IFT43: variants seen among roughly 807,000 people sequenced by gnomAD.
IFT43 encodes intraflagellar transport protein 43 homolog.
IFT43 carries 33 observed loss-of-function variants against 32.3 expected under a neutral mutation model. That is an observed-to-expected ratio of 1.02 (90% CI 0.77 to 1.37). The LOEUF is 1.37. Ranked by LOEUF, IFT43 falls within the 40% of genes most tolerant of loss-of-function variation. The probability of loss-of-function intolerance (pLI) is 0.00; values close to 1 mark genes in which losing one functional copy is unlikely to be tolerated. For missense variants in IFT43, 274 were observed against 265.9 expected, an observed-to-expected ratio of 1.03 and a Z score of -0.21; for synonymous variants, 93 against 98.2, an observed-to-expected ratio of 0.95 and a Z score of 0.31.
At chr14:76,045,051 A>G (rs113074787) in intron 3 of IFT43, among the ~76,000 whole-genome samples, 156 of 152,336 alleles carry the variant, frequency 1.0e-3, no homozygotes, top group African/African-American at 3.6e-3. Flanking sequence ...CTTCAACTGT[A>G]TGGGGGGTCT....
At chr14:76,068,166 A>C (rs2037258595) in intron 5 of IFT43, among the ~76,000 whole-genome samples, 1 of 152,212 alleles carries the variant, frequency 6.6e-6, no homozygotes, top group South Asian at 2.1e-4. Flanking sequence ...CTGATCCCTG[A>C]GGGCTGAGAG....
chr14:76,033,374 G>A (rs2139988151), intron 3 of IFT43, among the ~76,000 whole-genome samples: 1 of 152,328 alleles, frequency 6.6e-6, no homozygotes. Context: ...AGACCTTCCA[G>A]GAGAGATTGA....
intron 3 of IFT43, among the ~76,000 whole-genome samples, chr14:76,054,798 T>TG (rs747484564): frequency 6.6e-6 from 1 of 152,210 alleles, no homozygotes; most frequent in Non-Finnish European, 1.5e-5. Flanking sequence ...GTCAGAGGGC[T>TG]GGGCCCAGGT....
At chr14:76,036,850 C>A (rs1183504073) in intron 3 of IFT43, among the ~76,000 whole-genome samples, 1 of 148,118 alleles carries the variant, frequency 6.8e-6, no homozygotes, top group South Asian at 2.3e-4. Flanking sequence ...TTTTTAGAAA[C>A]AGGATCTTGC....
chr14:75,995,280 C>T (rs1489345317), intron 2 of IFT43, among the ~76,000 whole-genome samples: 3 of 152,156 alleles, frequency 2.0e-5, no homozygotes, highest in East Asian at 3.8e-4. Flanking sequence ...AAGCACAGAC[C>T]TCCCAGTAGA....
Position 76,058,692 on chromosome 14 carries a change from T to G in IFT43, c.248+18T>G, listed in dbSNP as rs777730753. 9 of 1,612,144 alleles carry G rather than the reference T, an allele frequency of 5.6e-6. No individual in the cohort carries two copies. The highest frequency in any genetic ancestry group is 7.6e-6 in the Non-Finnish European group (9 of 1,179,738). On this transcript the variant is annotated intron_variant, in intron 4 of 8. Transcript: ENST00000314067. The stretch of plus-strand genomic sequence containing the variant: ...ATAGAAGAGTACGTTTCCAGTATTC[T>G]TATTCTTATGGTATCCTATGTTGAT...
At chr14:76,038,183 T>C (rs1250757228) in intron 3 of IFT43, 1 of 152,158 alleles carries the variant, frequency 6.6e-6, no homozygotes, top group Non-Finnish European at 1.5e-5. Flanking sequence ...TTGGGTAAAA[T>C]CAGATGGGGC....
rs74069415 is a variant in IFT43 at position 76,020,864 on chromosome 14, G to A, written c.148-1463G>A. Among the ~76,000 whole-genome samples, 1,255 of 152,248 alleles carry A rather than the reference G, an allele frequency of 8.2e-3. 17 individuals carry two copies. The highest frequency in any genetic ancestry group is 0.029 in the African/African-American group (1,185 of 41,542). On this transcript the variant is annotated intron_variant, in intron 2 of 8. Transcript: ENST00000314067. ...GCCTCCAGTGCCTTGCTCAGGTGCCGGGGGTGGCAGTGGTGGGCCAGGTGA... is the reference window on the plus strand; with the variant it reads ...GCCTCCAGTGCCTTGCTCAGGTGCCAGGGGTGGCAGTGGTGGGCCAGGTGA...
At chr14:76,066,949 C>T (rs939162353) in intron 5 of IFT43, among the ~76,000 whole-genome samples, 9 of 152,234 alleles carry the variant, frequency 5.9e-5, no homozygotes, top group South Asian at 2.1e-4. Flanking sequence ...TTTCATCCAA[C>T]GCCTCCTGAG....
chr14:75,985,958 G>A, intron 1 of IFT43, 118 bp downstream of exon 1: 1 of 1,538,928 alleles, frequency 6.5e-7, no homozygotes, highest in Non-Finnish European at 8.7e-7. Flanking sequence ...CGCGCCGGGT[G>A]AGGCCCAGAA....
At chr14:76,053,305 G>A (rs1236309860) in intron 3 of IFT43, among the ~76,000 whole-genome samples, 1 of 152,076 alleles carries the variant, frequency 6.6e-6, no homozygotes, top group Admixed American at 6.5e-5. Context: ...AGGAAGGGTG[G>A]GCTGAGACCT....
intron 2 of IFT43, among the ~76,000 whole-genome samples, chr14:76,021,617 G>A (rs1023025703): frequency 3.9e-5 from 6 of 152,084 alleles, no homozygotes; most frequent in African/African-American, 1.4e-4. Flanking sequence ...ATTTTCATGT[G>A]TATTTTACCA....
intron 3 of IFT43, among the ~76,000 whole-genome samples, chr14:76,027,537 G>A (rs527849266): frequency 5.3e-5 from 8 of 151,896 alleles, no homozygotes; most frequent in South Asian, 2.1e-4. Context: ...GTGAAACCCC[G>A]TCTCTACTAA....
At chr14:75,987,577 C>T (rs1482704486) in intron 1 of IFT43, among the ~76,000 whole-genome samples, 3 of 152,172 alleles carry the variant, frequency 2.0e-5, no homozygotes, top group South Asian at 2.1e-4. Flanking sequence ...TGTAAAATGA[C>T]AGCAGTCTCA....
At chr14:75,993,553 C>T (rs925809965) in intron 2 of IFT43, among the ~76,000 whole-genome samples, 2 of 152,208 alleles carry the variant, frequency 1.3e-5, no homozygotes, top group Non-Finnish European at 2.9e-5. Context: ...AAGTGGCCTC[C>T]TCTATCTATC....
intron 5 of IFT43, among the ~76,000 whole-genome samples, chr14:76,066,353 A>T (rs1247574611): frequency 6.6e-6 from 1 of 152,164 alleles, no homozygotes; most frequent in Non-Finnish European, 1.5e-5. Flanking sequence ...TCCAGGAGGG[A>T]TGCCTCTTCT....
intron 5 of IFT43, among the ~76,000 whole-genome samples, chr14:76,081,094 C>T (rs909303822): frequency 4.6e-5 from 7 of 152,220 alleles, no homozygotes; most frequent in African/African-American, 1.4e-4. Context: ...CCTCCACAGT[C>T]GGAAGTCATA....
At chr14:76,035,237 C>A (rs972054828) in intron 3 of IFT43, among the ~76,000 whole-genome samples, 5 of 152,146 alleles carry the variant, frequency 3.3e-5, no homozygotes, top group Admixed American at 1.3e-4. Context: ...GGAATTGTCA[C>A]AATATATTTT....
chr14:76,010,823 C>G (rs972679377), intron 2 of IFT43, among the ~76,000 whole-genome samples: 4 of 151,956 alleles, frequency 2.6e-5, no homozygotes, highest in Non-Finnish European at 5.9e-5. Flanking sequence ...ACACCAGAAT[C>G]CAATCAAGAA....
Sources: allele counts gnomAD v4.1 joint callset (sites outside exome capture counted in the v4.1 genomes callset), GRCh38; gene constraint gnomAD v4.1.1; transcripts MANE v1.5; gene names NCBI Gene and HGNC (gene_info 2026-07-23, HGNC 2026-07-21).